Variants in CPEB1 observed in about 807,000 individuals in gnomAD.
CPEB1 encodes the protein cytoplasmic polyadenylation element binding protein 1.
CPEB1 carries 7 observed loss-of-function variants against 65.8 expected under a neutral mutation model. The observed-to-expected ratio is 0.11, with a 90% confidence interval of 0.06 to 0.20. The LOEUF is 0.20. Ranked by LOEUF, CPEB1 falls within the 10% of genes least tolerant of loss-of-function variation. The pLI is 1.00. For synonymous variants in CPEB1, 262 were observed against 260.0 expected, an observed-to-expected ratio of 1.01 and a Z score of -0.08; for missense variants, 551 against 712.2, an observed-to-expected ratio of 0.77 and a Z score of 2.58.
intron 1 of CPEB1, among the ~76,000 whole-genome samples, chr15:82,645,723 C>A (rs1461355044): frequency 6.6e-6 from 1 of 151,984 alleles, no homozygotes; most frequent in Non-Finnish European, 1.5e-5. Context: ...CAAAAATCAG[C>A]CGCGCGTGGT....
intron 3 of CPEB1, among the ~76,000 whole-genome samples, chr15:82,587,481 G>A (rs1475087116): frequency 6.6e-6 from 1 of 152,156 alleles, no homozygotes; most frequent in South Asian, 2.1e-4. Context: ...ATATGACAAA[G>A]GAGAACACTT....
At chr15:82,571,783 A>G in intron 3 of CPEB1, 1 of 1,277,038 alleles carries the variant, frequency 7.8e-7, no homozygotes, top group Non-Finnish European at 9.9e-7. Context: ...GCATGTGATC[A>G]GGCTGCTGAT....
At chr15:82,631,939 G>A (rs970169173) in intron 1 of CPEB1, among the ~76,000 whole-genome samples, 1 of 151,114 alleles carries the variant, frequency 6.6e-6, no homozygotes, top group Non-Finnish European at 1.5e-5. Context: ...CTATCTTAGG[G>A]ATAGGGCCCA....
At chr15:82,564,043 T>G (rs552798465) in intron 4 of CPEB1, among the ~76,000 whole-genome samples, 2 of 152,296 alleles carry the variant, frequency 1.3e-5, no homozygotes, top group East Asian at 3.9e-4. Context: ...AAAATCTGCA[T>G]AGATATTTGC....
At chr15:82,567,093 A>T (rs535801875) in intron 4 of CPEB1, among the ~76,000 whole-genome samples, 1 of 152,196 alleles carries the variant, frequency 6.6e-6, no homozygotes, top group Non-Finnish European at 1.5e-5. Flanking sequence ...GGAATATAGT[A>T]TTGGAGAACT....
At chr15:82,640,474 G>C (rs2047017179) in intron 1 of CPEB1, among the ~76,000 whole-genome samples, 1 of 152,054 alleles carries the variant, frequency 6.6e-6, no homozygotes, top group South Asian at 2.1e-4. Flanking sequence ...AAACAGCCCT[G>C]TTTCATATCT....
intron 1 of CPEB1, among the ~76,000 whole-genome samples, chr15:82,631,803 G>C (rs535200648): frequency 6.6e-6 from 1 of 151,732 alleles, no homozygotes; most frequent in South Asian, 2.1e-4. Flanking sequence ...GATTCAAATA[G>C]ACCTAAGGGC....
chr15:82,543,607 G>C lies in CPEB1; in HGVS notation c.*985C>G, dbSNP rs2034674050. Reference sequence around the variant, plus strand: ...GGTACTTGCCCCCTCTAAGAGAAAGGGCTCCTGTGAGCCTTCATCTGCCCC... The same window carrying C: ...GGTACTTGCCCCCTCTAAGAGAAAGCGCTCCTGTGAGCCTTCATCTGCCCC... On this transcript the variant is annotated 3_prime_UTR_variant, in exon 13 of 13. Coordinates refer to ENST00000684509, the MANE Select transcript of CPEB1 (RefSeq NM_001365242.1). The C allele has an allele frequency of 2.6e-5, 4 of 151,398 alleles. No individual in the cohort carries two copies. Among genetic ancestry groups the C allele is most frequent in the Non-Finnish European group, 4.4e-5 (3 of 67,832 alleles). 9.4% of individuals were successfully genotyped at this position (151,398 alleles called of 1,614,324 possible).
chr15:82,610,983 A>AG (rs2044097134), intron 3 of CPEB1, among the ~76,000 whole-genome samples: 2 of 147,712 alleles, frequency 1.4e-5, no homozygotes, highest in South Asian at 2.1e-4. Flanking sequence ...AAAAAAAAAA[A>AG]AAAAAGAAAA....
At chr15:82,646,795 G>T (rs1035616458) in intron 1 of CPEB1, among the ~76,000 whole-genome samples, 1 of 152,132 alleles carries the variant, frequency 6.6e-6, no homozygotes, top group African/African-American at 2.4e-5. Flanking sequence ...GGGGAATGAC[G>T]CCGGGTGGGA....
intron 3 of CPEB1, among the ~76,000 whole-genome samples, chr15:82,621,482 G>T (rs746320656): frequency 1.3e-5 from 2 of 152,066 alleles, no homozygotes; most frequent in Non-Finnish European, 2.9e-5. Flanking sequence ...TTAGCCAGGG[G>T]TGGTGGCACA....
chr15:82,543,717 C>G lies in CPEB1; in HGVS notation c.*875G>C, dbSNP rs2034693197. ...ATTAAAAACTTCTATCAACCCCACC[C>G]CCCCACATAAGTGCAACTTAAGGAG... On this transcript the variant is annotated 3_prime_UTR_variant, in exon 13 of 13. Transcript: ENST00000684509. 1 of 151,946 alleles carries G rather than the reference C, an allele frequency of 6.6e-6. No homozygotes were observed. The highest frequency in any genetic ancestry group is 1.5e-5 in the Non-Finnish European group (1 of 67,982). The allele number at this position is 151,946 out of a possible 1,614,324, so 9.4% of individuals were successfully genotyped here.
chr15:82,598,300 C>A (rs958708146), intron 3 of CPEB1, among the ~76,000 whole-genome samples: 16 of 151,202 alleles, frequency 1.1e-4, no homozygotes, highest in African/African-American at 3.9e-4. Flanking sequence ...TCAAAACTAG[C>A]CTGGCCAACA....
intron 3 of CPEB1, among the ~76,000 whole-genome samples, chr15:82,615,559 T>C (rs2151270553): frequency 6.6e-6 from 1 of 152,310 alleles, no homozygotes; most frequent in East Asian, 1.9e-4. Flanking sequence ...GACACAATTC[T>C]AGAAACTTAC....
chr15:82,551,610 G>T (rs373970373), intron 9 of CPEB1, among the ~76,000 whole-genome samples: 29 of 152,182 alleles, frequency 1.9e-4, no homozygotes, highest in African/African-American at 7.0e-4. Flanking sequence ...TACTAAAATA[G>T]GCATTTTAGT....
intron 12 of CPEB1, 47 bp from the exon 13 acceptor site, chr15:82,544,749 C>T (rs1429206340): frequency 5.0e-6 from 7 of 1,411,186 alleles, no homozygotes; most frequent in Non-Finnish European, 7.0e-6. Flanking sequence ...GTGTCAGCAC[C>T]AGACACAGGA....
intron 3 of CPEB1, among the ~76,000 whole-genome samples, chr15:82,581,933 T>C (rs1000268572): frequency 6.6e-6 from 1 of 152,188 alleles, no homozygotes; most frequent in Non-Finnish European, 1.5e-5. Flanking sequence ...CCAGTCCAGG[T>C]ATGGGTATGA....
chr15:82,631,539 AT>A (rs1184089622), intron 1 of CPEB1, among the ~76,000 whole-genome samples: 1 of 152,246 alleles, frequency 6.6e-6, no homozygotes, highest in East Asian at 1.9e-4. Flanking sequence ...ATTAATGCAC[AT>A]AAAGTACTTA....
intron 1 of CPEB1, among the ~76,000 whole-genome samples, chr15:82,634,614 C>T (rs1378853234): frequency 6.6e-6 from 1 of 152,170 alleles, no homozygotes; most frequent in Non-Finnish European, 1.5e-5. Flanking sequence ...TTTACTCAGT[C>T]CTCCAGAGAG....
Sources: allele counts gnomAD v4.1 joint callset (sites outside exome capture counted in the v4.1 genomes callset), GRCh38; gene constraint gnomAD v4.1.1; transcripts MANE v1.5; gene names NCBI Gene and HGNC (gene_info 2026-07-23, HGNC 2026-07-21).